ADAM23: variants seen among roughly 807,000 people sequenced by gnomAD.
ADAM23 encodes the protein ADAM metallopeptidase domain 23, also known as disintegrin and metalloproteinase domain-containing protein 23.
In ADAM23, 33 loss-of-function variants were observed where a neutral mutation model predicts 120.1. The ratio of observed to expected loss-of-function variants is 0.27; its 90% CI spans 0.21 to 0.37. The LOEUF is 0.37. Ranked by LOEUF, ADAM23 falls within the 10% of genes least tolerant of loss-of-function variation. The pLI is 1.00. For missense variants in ADAM23, 862 were observed against 1,058.2 expected (o/e 0.81, Z 2.57); for synonymous variants, 367 against 375.2 (o/e 0.98, Z 0.25).
intron 10 of ADAM23, among the ~76,000 whole-genome samples, chr2:206,559,308 G>A (rs2105820700): frequency 6.6e-6 from 1 of 152,314 alleles, no homozygotes; most frequent in South Asian, 2.1e-4. Context: ...TTGCTTAATT[G>A]TGTGAATTGT....
chr2:206,573,007 G>C (rs1698035651), intron 17 of ADAM23, 108 bp from the exon 18 acceptor site: 1 of 1,068,210 alleles, frequency 9.4e-7, no homozygotes, highest in Non-Finnish European at 1.5e-6. Context: ...AAAAGAGTTT[G>C]GTGTTAGTTA....
intron 1 of ADAM23, among the ~76,000 whole-genome samples, chr2:206,444,631 A>G (rs1695038105): frequency 6.6e-6 from 1 of 152,322 alleles, no homozygotes; most frequent in South Asian, 2.1e-4. Flanking sequence ...ATAATGAACA[A>G]TTAATATAAT....
chr2:206,475,550 C>T (rs1574486627), intron 2 of ADAM23, among the ~76,000 whole-genome samples: 1 of 151,418 alleles, frequency 6.6e-6, no homozygotes, highest in East Asian at 1.9e-4. Flanking sequence ...ATCTGGGATG[C>T]TGGATTCTGT....
intron 2 of ADAM23, among the ~76,000 whole-genome samples, chr2:206,451,125 A>G (rs1247123217): frequency 6.6e-6 from 1 of 152,220 alleles, no homozygotes; most frequent in African/African-American, 2.4e-5. Context: ...GTTTGTGCAG[A>G]AGGTGGAGAA....
At chr2:206,576,045 G>A (rs1698106198) in intron 18 of ADAM23, among the ~76,000 whole-genome samples, 1 of 152,168 alleles carries the variant, frequency 6.6e-6, no homozygotes, top group Non-Finnish European at 1.5e-5. Context: ...AAATGGTACA[G>A]TGAAATATGT....
At chr2:206,469,639 C>T (rs1370625163) in intron 2 of ADAM23, among the ~76,000 whole-genome samples, 1 of 152,192 alleles carries the variant, frequency 6.6e-6, no homozygotes, top group Non-Finnish European at 1.5e-5. Flanking sequence ...CAGCAAATTA[C>T]TATTTCATTC....
At chr2:206,584,888 G>C (rs946924556) in intron 18 of ADAM23, among the ~76,000 whole-genome samples, 1 of 152,142 alleles carries the variant, frequency 6.6e-6, no homozygotes, top group Non-Finnish European at 1.5e-5. Flanking sequence ...GGGCTGCTCG[G>C]GGACCCAGTG....
chr2:206,516,830 C>T (rs1417908706), intron 3 of ADAM23, among the ~76,000 whole-genome samples: 2 of 151,992 alleles, frequency 1.3e-5, no homozygotes, highest in African/African-American at 4.8e-5. Flanking sequence ...TGCAAATATT[C>T]AGTGAGCTGG....
intron 23 of ADAM23, among the ~76,000 whole-genome samples, 158 bp downstream of exon 23, chr2:206,595,063 C>A (rs1698498761): frequency 6.6e-6 from 1 of 152,090 alleles, no homozygotes; most frequent in South Asian, 2.1e-4. Context: ...CACCTGTAGT[C>A]CCAGCTACTC....
At chr2:206,481,195 A>G (rs750001691) in intron 2 of ADAM23, 37 bp from the exon 3 acceptor site, 10 of 1,527,676 alleles carry the variant, frequency 6.5e-6, no homozygotes, top group Non-Finnish European at 8.9e-6. Flanking sequence ...AAGACAGGAA[A>G]GTAAGTTAAG....
intron 3 of ADAM23, among the ~76,000 whole-genome samples, chr2:206,520,961 T>C (rs1297457532): frequency 2.6e-5 from 4 of 152,058 alleles, no homozygotes; most frequent in African/African-American, 9.7e-5. Flanking sequence ...CTCTTTGCCT[T>C]TTCCTGTTTC....
intron 9 of ADAM23, among the ~76,000 whole-genome samples, chr2:206,550,824 A>G (rs911603142): frequency 2.0e-5 from 3 of 152,080 alleles, no homozygotes; most frequent in African/African-American, 7.2e-5. Flanking sequence ...GATGGTCTCG[A>G]TCTCCTGACC....
chr2:206,611,022 T>G (rs1347349573), intron 25 of ADAM23, among the ~76,000 whole-genome samples: 1 of 152,206 alleles, frequency 6.6e-6, no homozygotes, highest in Non-Finnish European at 1.5e-5. Context: ...AATTATAAAC[T>G]TTATATGTTT....
chr2:206,616,745 G>C (rs1017914791), intron 25 of ADAM23, among the ~76,000 whole-genome samples: 1 of 152,094 alleles, frequency 6.6e-6, no homozygotes, highest in South Asian at 2.1e-4. Flanking sequence ...CACCCGCCCA[G>C]TATGCAGACT....
chr2:206,587,588 A>G lies in ADAM23; in HGVS notation c.1788+213A>G, dbSNP rs186269835. Among the ~76,000 whole-genome samples the G allele has an allele frequency of 1.1e-3, 161 of 152,124 alleles. 1 individual carries two copies. The highest frequency in any genetic ancestry group is 1.8e-3 in the Admixed American group (27 of 15,272). On this transcript the variant is annotated intron_variant, in intron 19 of 25. Transcript: ENST00000264377. ...AATTGTCCAGATTAAGAGAAAAAAA[A>G]AAAGAATGTAATGGCTGAAGAACTG...
chr2:206,606,292 G>T (rs1215597397), intron 24 of ADAM23, among the ~76,000 whole-genome samples: 1 of 151,932 alleles, frequency 6.6e-6, no homozygotes, highest in Admixed American at 6.6e-5. Flanking sequence ...TATATAACTA[G>T]CAATTATCAA....
intron 2 of ADAM23, among the ~76,000 whole-genome samples, chr2:206,478,410 T>G (rs1695827366): frequency 6.6e-6 from 1 of 151,606 alleles, no homozygotes; most frequent in Admixed American, 6.6e-5. Flanking sequence ...AAAATCAGGT[T>G]TTTTTTTTCC....
intron 3 of ADAM23, among the ~76,000 whole-genome samples, chr2:206,489,181 A>C (rs549327854): frequency 6.6e-6 from 1 of 152,358 alleles, no homozygotes; most frequent in East Asian, 1.9e-4. Flanking sequence ...ACCTTGACCT[A>C]TACCAGCCTG....
intron 2 of ADAM23, among the ~76,000 whole-genome samples, chr2:206,480,540 G>A (rs1288490194): frequency 1.3e-5 from 2 of 148,292 alleles, no homozygotes; most frequent in African/African-American, 2.5e-5. Flanking sequence ...TTATTGATTT[G>A]TTAATTTGCA....
Sources: gnomAD v4.1 joint callset for allele counts (sites outside exome capture counted in the v4.1 genomes callset) on GRCh38, gnomAD v4.1.1 for gene constraint, MANE v1.5 for transcripts, NCBI Gene and HGNC (gene_info 2026-07-23, HGNC 2026-07-21) for gene names.